Variants in PRKX observed in about 807,000 individuals in gnomAD.
The protein encoded by PRKX is cAMP-dependent protein kinase catalytic subunit PRKX.
A neutral mutation model predicts 22.0 loss-of-function variants in PRKX; 12 were observed. The observed-to-expected ratio is 0.54, with a 90% confidence interval of 0.35 to 0.88. The LOEUF is 0.88. PRKX is among the 40% of genes least tolerant of loss of function. PRKX has a pLI of 0.01. For synonymous variants in PRKX, 134 were observed against 137.7 expected (o/e 0.97, Z 0.19); for missense variants, 217 against 308.0 (o/e 0.70, Z 2.21).
intron 2 of PRKX, among the ~76,000 whole-genome samples, chrX:3,662,611 C>T (rs759843653): frequency 1.4e-4 from 14 of 99,966 alleles, no homozygotes; most frequent in African/African-American, 4.5e-4. Flanking sequence ...AGGAGAATGG[C>T]GTGAACCTGG....
chrX:3,708,021 C>T (rs1928717718), intron 1 of PRKX, among the ~76,000 whole-genome samples: 1 of 112,037 alleles, frequency 8.9e-6, no homozygotes, highest in African/African-American at 3.2e-5. Context: ...GTGGGGATGC[C>T]GTGGACTCAA....
intron 2 of PRKX, chrX:3,668,199 T>G (rs1389393849): frequency 6.3e-5 from 7 of 111,204 alleles, no homozygotes; most frequent in African/African-American, 2.3e-4. Flanking sequence ...AAAATAAGCC[T>G]CCCTTTTTGA....
At chrX:3,648,622 G>C (rs1172577984) in intron 3 of PRKX, among the ~76,000 whole-genome samples, 1 of 75,920 alleles carries the variant, frequency 1.3e-5, no homozygotes, top group African/African-American at 4.0e-5. Context: ...GTGTGTGTGT[G>C]TGTGTGTGTG....
intron 2 of PRKX, among the ~76,000 whole-genome samples, chrX:3,662,694 C>CAA (rs55726241): frequency 0.034 from 1,488 of 43,923 alleles, 50 homozygotes; most frequent in Non-Finnish European, 0.038. Flanking sequence ...GACTCCATCT[C>CAA]AAAAAAAAAA....
At chrX:3,623,457 G>A (rs1217605754) in intron 5 of PRKX, among the ~76,000 whole-genome samples, 1 of 110,820 alleles carries the variant, frequency 9.0e-6, no homozygotes, top group African/African-American at 3.3e-5. Flanking sequence ...TCGGGAGGCT[G>A]AGGTGGGAGT....
chrX:3,713,205 G>T lies in PRKX; in HGVS notation c.49C>A (p.Arg17Ser). The T allele has an allele frequency of 9.2e-7, 1 of 1,089,075 alleles. No homozygotes were observed. The highest frequency in any genetic ancestry group is 3.2e-4 in the Middle Eastern group (1 of 3,090). 89.8% of individuals were successfully genotyped at this position (1,089,075 alleles called of 1,213,427 possible). ...TCGGGGGTCTCCTCCGCCACCTTGC[G>T]GGAGTCGCTCTCCGCCGCGGCCGCC... ...AQAAAAESDSRKVAEETPDGA... is the reference protein window; with the variant it reads ...AQAAAAESDSSKVAEETPDGA... The change falls in exon 1 of 9, where the codon CGC becomes AGC. Residue 17 changes from arginine to serine, a missense_variant. By Grantham distance (110) the Arg-to-Ser change is moderately radical. Coordinates refer to ENST00000262848, the MANE Select transcript of PRKX (RefSeq NM_005044.5).
intron 2 of PRKX, among the ~76,000 whole-genome samples, chrX:3,656,453 G>A (rs775879701): frequency 2.7e-5 from 3 of 109,587 alleles, no homozygotes; most frequent in South Asian, 3.9e-4. Context: ...CGTGTAGACC[G>A]GTGTTGCTCT....
Position 3,713,079 on chromosome X carries a change from C to T in PRKX, c.166+9G>A, listed in dbSNP as rs371502966. On this transcript the variant is annotated intron_variant, in intron 1 of 8. Coordinates refer to ENST00000262848, the MANE Select transcript of PRKX (RefSeq NM_005044.5). ...CCTGTGGGCCGAGTCCCCGCCCGCA[C>T]TCACTCACCCACGGTGGCCAGCGTG... The T allele has an allele frequency of 1.7e-5, 20 of 1,159,113 alleles. No homozygotes were observed. In the African/African-American group the frequency reaches 3.5e-4, roughly 20 times the overall value.
At chrX:3,632,468 C>G (rs1262994597) in intron 4 of PRKX, among the ~76,000 whole-genome samples, 8 of 63,794 alleles carry the variant, frequency 1.3e-4, no homozygotes, top group Non-Finnish European at 2.1e-4. Context: ...GGCGACTCAG[C>G]TGTGTGAATA....
intron 5 of PRKX, among the ~76,000 whole-genome samples, chrX:3,623,513 G>A (rs774862232): frequency 1.8e-5 from 2 of 110,959 alleles, no homozygotes; most frequent in South Asian, 7.7e-4. Flanking sequence ...CTATGATTGT[G>A]CCACTGCACT....
At chrX:3,615,779 C>T (rs377672184) in intron 7 of PRKX, 36 bp downstream of exon 7, 11 of 1,132,716 alleles carry the variant, frequency 9.7e-6, no homozygotes, top group African/African-American at 5.4e-5. Context: ...TGGAAGAGCT[C>T]GGGCATACTG....
Position 3,665,789 on chromosome X carries a change from C to T in PRKX, c.335+8809G>A, listed in dbSNP as rs1187820642. ...CGTATGATTCTGCCTATATAAGGCT[C>T]CTAGAATCACCAAATTCATAGAGCA... is the stretch of plus-strand genomic sequence containing the variant. On this transcript the variant is annotated intron_variant, in intron 2 of 8. Coordinates refer to ENST00000262848, the MANE Select transcript of PRKX (RefSeq NM_005044.5). 3.6e-5 allele frequency among the ~76,000 whole-genome samples: 4 copies of T among 110,458 alleles called. No homozygotes were observed. In the South Asian group the frequency reaches 1.2e-3, roughly 32 times the overall value.
intron 1 of PRKX, among the ~76,000 whole-genome samples, chrX:3,679,309 T>G (rs1220358009): frequency 8.9e-6 from 1 of 111,749 alleles, no homozygotes; most frequent in African/African-American, 3.2e-5. Context: ...AGTGAGAACA[T>G]GCAATATCTG....
chrX:3,668,721 G>A (rs1266743563), intron 2 of PRKX, among the ~76,000 whole-genome samples: 1 of 112,003 alleles, frequency 8.9e-6, no homozygotes, highest in Non-Finnish European at 1.9e-5. Context: ...CACTGGCTTG[G>A]CTCGGCTGCT....
Position 3,655,429 on chromosome X carries a change from C to T in PRKX, c.336-17G>A, listed in dbSNP as rs1927460654. ...GTCCAGAACCTGCGGGGACAGACAG[C>T]ACATGCTCAGGGCCCCGCCAAGGCA... is the stretch of plus-strand genomic sequence containing the variant. On this transcript the variant is annotated splice_polypyrimidine_tract_variant and intron_variant, in intron 2 of 8. Transcript: ENST00000262848. The T allele has an allele frequency of 8.3e-7, 1 of 1,211,592 alleles. No individual in the cohort carries two copies. Among genetic ancestry groups the T allele is most frequent in the Non-Finnish European group, 1.1e-6 (1 of 895,353 alleles).
At chrX:3,676,412 C>G (rs1430226179) in intron 1 of PRKX, among the ~76,000 whole-genome samples, 4 of 111,714 alleles carry the variant, frequency 3.6e-5, no homozygotes, top group Non-Finnish European at 7.5e-5. Flanking sequence ...CCAAGAGAAC[C>G]AGGATCTTCC....
At chrX:3,697,766 G>A (rs750933096) in intron 1 of PRKX, among the ~76,000 whole-genome samples, 26 of 110,562 alleles carry the variant, frequency 2.4e-4, no homozygotes, top group Non-Finnish European at 4.9e-4. Context: ...GCCTAGGCTG[G>A]CGTTGACCTC....
At chrX:3,665,214 A>G (rs1186348194) in intron 2 of PRKX, among the ~76,000 whole-genome samples, 1 of 111,636 alleles carries the variant, frequency 9.0e-6, no homozygotes. Flanking sequence ...TTTTAACACA[A>G]AGAAAAGTAC....
At chrX:3,697,440 A>G (rs1360265688) in intron 1 of PRKX, among the ~76,000 whole-genome samples, 1 of 110,993 alleles carries the variant, frequency 9.0e-6, no homozygotes, top group Non-Finnish European at 1.9e-5. Flanking sequence ...CTTCCTGCAC[A>G]CTCTGTTACT....
Sources: allele counts gnomAD v4.1 joint callset (sites outside exome capture counted in the v4.1 genomes callset), GRCh38; gene constraint gnomAD v4.1.1; transcripts MANE v1.5; gene names NCBI Gene and HGNC (gene_info 2026-07-23, HGNC 2026-07-21).